The following SYT9 variants were observed in gnomAD, a reference collection of about 807,000 sequenced individuals.
SYT9 encodes the protein synaptotagmin 9, also known as synaptotagmin-9.
A neutral mutation model predicts 48.4 loss-of-function variants in SYT9; 22 were observed. The ratio of observed to expected loss-of-function variants is 0.45; its 90% confidence interval spans 0.32 to 0.65. The LOEUF is 0.65. SYT9 is among the 30% of genes least tolerant of loss of function. SYT9 has a pLI of 0.03. For synonymous variants in SYT9, 265 were observed against 245.0 expected (o/e 1.08, Z -0.76); for missense variants, 577 against 622.0 (o/e 0.93, Z 0.77).
intron 3 of SYT9, among the ~76,000 whole-genome samples, chr11:7,374,543 A>C (rs1399076175): frequency 6.6e-6 from 1 of 152,196 alleles, no homozygotes. Context: ...CCAACAGAGT[A>C]AAAGCGTTCC....
intron 1 of SYT9, among the ~76,000 whole-genome samples, chr11:7,280,218 G>A (rs997427511): frequency 2.0e-5 from 3 of 152,206 alleles, no homozygotes; most frequent in Admixed American, 2.0e-4. Flanking sequence ...CATTACAATT[G>A]ATTCTCACAG....
At chr11:7,294,914 C>G (rs1342373229) in intron 1 of SYT9, among the ~76,000 whole-genome samples, 2 of 152,226 alleles carry the variant, frequency 1.3e-5, no homozygotes, top group Non-Finnish European at 2.9e-5. Context: ...AGCTGAATAG[C>G]ATTGTGGTCC....
At chr11:7,344,689 C>G (rs1849769891) in intron 3 of SYT9, among the ~76,000 whole-genome samples, 1 of 152,098 alleles carries the variant, frequency 6.6e-6, no homozygotes, top group African/African-American at 2.4e-5. Context: ...ACACAATTGT[C>G]TTTTGCACCT....
intron 3 of SYT9, among the ~76,000 whole-genome samples, chr11:7,360,457 C>G (rs1850112755): frequency 6.6e-6 from 1 of 152,150 alleles, no homozygotes; most frequent in Admixed American, 6.5e-5. Flanking sequence ...TGGCCATTTT[C>G]ACGATATTGA....
At chr11:7,420,937 AGGT>A (rs1331555081) in intron 6 of SYT9, among the ~76,000 whole-genome samples, 1 of 152,146 alleles carries the variant, frequency 6.6e-6, no homozygotes, top group Non-Finnish European at 1.5e-5. Flanking sequence ...GGCATCTGCA[AGGT>A]GTGGGTGAGT....
chr11:7,299,416 T>C (rs1848874850), intron 1 of SYT9, among the ~76,000 whole-genome samples: 1 of 152,218 alleles, frequency 6.6e-6, no homozygotes, highest in Admixed American at 6.5e-5. Flanking sequence ...TGTGGCTGTG[T>C]AGGTCACTAT....
At chr11:7,342,539 A>G (rs1047963774) in intron 3 of SYT9, among the ~76,000 whole-genome samples, 3 of 152,228 alleles carry the variant, frequency 2.0e-5, no homozygotes, top group African/African-American at 7.2e-5. Context: ...TGCAAGAGGT[A>G]GGTTCCCATG....
At chr11:7,254,474 A>G (rs866169062) in intron 1 of SYT9, among the ~76,000 whole-genome samples, 1 of 152,094 alleles carries the variant, frequency 6.6e-6, no homozygotes, top group African/African-American at 2.4e-5. Flanking sequence ...CATCAGATGC[A>G]TTTGTCTTCA....
At chr11:7,448,163 T>C (rs371109948) in intron 6 of SYT9, among the ~76,000 whole-genome samples, 2 of 152,258 alleles carry the variant, frequency 1.3e-5, no homozygotes, top group Non-Finnish European at 2.9e-5. Flanking sequence ...CTTTGGGATA[T>C]TTCACAAATA....
At chr11:7,260,238 A>T (rs569996214) in intron 1 of SYT9, among the ~76,000 whole-genome samples, 1 of 152,236 alleles carries the variant, frequency 6.6e-6, no homozygotes, top group African/African-American at 2.4e-5. Context: ...AAGAAGGGAG[A>T]TATCTACTGG....
At chr11:7,355,691 G>C (rs1850008363) in intron 3 of SYT9, among the ~76,000 whole-genome samples, 1 of 152,170 alleles carries the variant, frequency 6.6e-6, no homozygotes, top group Non-Finnish European at 1.5e-5. Context: ...GATTGGCAGT[G>C]GGATTGATGG....
intron 6 of SYT9, chr11:7,439,037 G>C (rs919342965): frequency 6.6e-6 from 1 of 152,220 alleles, no homozygotes; most frequent in African/African-American, 2.4e-5. Flanking sequence ...CACTCAGAAA[G>C]GAAACACTCA....
intron 3 of SYT9, among the ~76,000 whole-genome samples, chr11:7,351,203 A>G (rs1175692345): frequency 6.6e-6 from 1 of 152,246 alleles, no homozygotes; most frequent in African/African-American, 2.4e-5. Context: ...GTGGGGAAAG[A>G]AACTGAAAGC....
chr11:7,333,468 A>C (rs896901369), intron 3 of SYT9, among the ~76,000 whole-genome samples: 2 of 152,204 alleles, frequency 1.3e-5, no homozygotes, highest in African/African-American at 4.8e-5. Flanking sequence ...TCCAGAATAA[A>C]TGTATCTTTA....
intron 3 of SYT9, among the ~76,000 whole-genome samples, chr11:7,323,227 T>C (rs1849368491): frequency 6.6e-6 from 1 of 152,120 alleles, no homozygotes; most frequent in African/African-American, 2.4e-5. Flanking sequence ...GTTGCTAGGT[T>C]GAAGTAAATT....
intron 3 of SYT9, among the ~76,000 whole-genome samples, chr11:7,381,532 C>A (rs989524345): frequency 1.3e-5 from 2 of 152,188 alleles, no homozygotes; most frequent in African/African-American, 4.8e-5. Flanking sequence ...CAGAAAGAAG[C>A]CAGTTGCCTC....
intron 3 of SYT9, among the ~76,000 whole-genome samples, chr11:7,352,003 T>G (rs1201663215): frequency 6.6e-6 from 1 of 152,152 alleles, no homozygotes; most frequent in Non-Finnish European, 1.5e-5. Context: ...CAACAGACCT[T>G]CCTTTTCTTT....
At chr11:7,409,310 T>C (rs565294082) in intron 3 of SYT9, among the ~76,000 whole-genome samples, 2 of 152,264 alleles carry the variant, frequency 1.3e-5, no homozygotes, top group Non-Finnish European at 2.9e-5. Flanking sequence ...GCTAGTAGTT[T>C]GTTGAGGATT....
At chr11:7,351,131 C>A (rs1849907256) in intron 3 of SYT9, among the ~76,000 whole-genome samples, 1 of 152,080 alleles carries the variant, frequency 6.6e-6, no homozygotes, top group South Asian at 2.1e-4. Context: ...TTTTAACCTC[C>A]TTGAAAAAGA....
Sources: allele counts gnomAD v4.1 joint callset (sites outside exome capture counted in the v4.1 genomes callset), GRCh38; gene constraint gnomAD v4.1.1; transcripts MANE v1.5; gene names NCBI Gene and HGNC (gene_info 2026-07-23, HGNC 2026-07-21).